Variants in TBC1D22A observed in about 807,000 individuals in gnomAD.
TBC1D22A encodes TBC1 domain family member 22A.
TBC1D22A carries 38 observed loss-of-function variants against 60.2 expected under a neutral mutation model. The ratio of observed to expected loss-of-function variants is 0.63; its 90% CI spans 0.49 to 0.83. The LOEUF (loss-of-function observed/expected upper bound fraction) is 0.83, where lower values mean the gene tolerates loss of function less well. Among genes scored for constraint, TBC1D22A ranks in the 40% least tolerant of loss-of-function variants. The probability of loss-of-function intolerance (pLI) is 0.00; values close to 1 mark genes in which losing one functional copy is unlikely to be tolerated. For synonymous variants in TBC1D22A, 302 were observed against 281.7 expected (o/e 1.07, Z -0.72); for missense variants, 628 against 701.0 (o/e 0.90, Z 1.18).
chr22:46,944,462 A>C (rs558741070), intron 8 of TBC1D22A, among the ~76,000 whole-genome samples: 1 of 152,130 alleles, frequency 6.6e-6, no homozygotes, highest in South Asian at 2.1e-4. Flanking sequence ...GCAGTGGCGC[A>C]ATCTTGGCTC....
chr22:47,027,717 T>C (rs1190940664), intron 10 of TBC1D22A, among the ~76,000 whole-genome samples: 2 of 152,182 alleles, frequency 1.3e-5, no homozygotes, highest in African/African-American at 4.8e-5. Flanking sequence ...CCCTCACACA[T>C]TAAAGAAAAT....
chr22:46,830,354 A>G (rs187469182), intron 4 of TBC1D22A, among the ~76,000 whole-genome samples: 260 of 152,354 alleles, frequency 1.7e-3, no homozygotes, highest in African/African-American at 5.7e-3. Flanking sequence ...CCTATTCTCA[A>G]TAAATGACAG....
At chr22:47,022,771 A>G (rs1261720153) in intron 10 of TBC1D22A, among the ~76,000 whole-genome samples, 1 of 152,216 alleles carries the variant, frequency 6.6e-6, no homozygotes, top group Non-Finnish European at 1.5e-5. Context: ...GGCATCAGGT[A>G]GGGGACTTAG....
chr22:47,151,771 T>C (rs1423766472), intron 12 of TBC1D22A, among the ~76,000 whole-genome samples: 2 of 152,300 alleles, frequency 1.3e-5, no homozygotes, highest in Non-Finnish European at 2.9e-5. Flanking sequence ...AGAAGACCCC[T>C]GGGGGAACGG....
chr22:46,904,142 T>TCTATCTATCTGCCTGCCTACCTACCTAC (rs57116517), intron 7 of TBC1D22A, among the ~76,000 whole-genome samples: 1 of 134,500 alleles, frequency 7.4e-6, no homozygotes, highest in African/African-American at 3.0e-5. Flanking sequence ...TATCTATCTA[T>TCTATCTATCTGCCTGCCTACCTACCTAC]CTACCTACCT....
In TBC1D22A at chr22:47,026,827, CATTCTACTCA is replaced by C. The variant is rs2062273227; in HGVS notation, c.1202-10240_1202-10231del. On this transcript the variant is annotated intron_variant, in intron 10 of 12. Coordinates refer to ENST00000337137, the MANE Select transcript of TBC1D22A (RefSeq NM_014346.5). ...GTCAGCTCTCACCAAACTGATCATA[CATTCTACTCA>C]ATTGCAATCAAGATCCCACATGCTT... Among the ~76,000 whole-genome samples, 4 of 152,318 alleles carry C rather than the reference CATTCTACTCA, an allele frequency of 2.6e-5. No homozygotes were observed. In the South Asian group the frequency reaches 8.3e-4, roughly 32 times the overall value.
intron 10 of TBC1D22A, among the ~76,000 whole-genome samples, chr22:47,014,703 G>T (rs2061854525): frequency 6.6e-6 from 1 of 151,664 alleles, no homozygotes; most frequent in African/African-American, 2.4e-5. Flanking sequence ...GTGAAACTTG[G>T]AGTCAGGATT....
At chr22:47,150,688 G>A (rs904632575) in intron 12 of TBC1D22A, among the ~76,000 whole-genome samples, 2 of 152,190 alleles carry the variant, frequency 1.3e-5, no homozygotes, top group Non-Finnish European at 2.9e-5. Context: ...CTGGTGGGCT[G>A]CAGCGCTAGC....
intron 8 of TBC1D22A, among the ~76,000 whole-genome samples, chr22:46,928,095 T>G (rs886742128): frequency 1.4e-5 from 2 of 147,468 alleles, no homozygotes; most frequent in East Asian, 4.0e-4. Flanking sequence ...ATTTGGGAAT[T>G]AAAAGAACCC....
intron 4 of TBC1D22A, among the ~76,000 whole-genome samples, chr22:46,876,489 C>T (rs1569161962): frequency 1.3e-5 from 2 of 152,208 alleles, no homozygotes; most frequent in South Asian, 4.1e-4. Context: ...AACTCTGTTT[C>T]CTGCCATTCT....
At chr22:46,778,123 C>T (rs1376306864) in intron 1 of TBC1D22A, among the ~76,000 whole-genome samples, 1 of 151,440 alleles carries the variant, frequency 6.6e-6, no homozygotes. Flanking sequence ...GTGCGATTGG[C>T]GCTCACGGGA....
At chr22:47,003,309 C>A (rs2148260713) in intron 10 of TBC1D22A, among the ~76,000 whole-genome samples, 1 of 152,102 alleles carries the variant, frequency 6.6e-6, no homozygotes, top group South Asian at 2.1e-4. Context: ...CTAGGTTACC[C>A]TTTGCTCCCC....
intron 8 of TBC1D22A, among the ~76,000 whole-genome samples, chr22:46,925,758 A>T (rs1006809958): frequency 2.0e-5 from 3 of 152,240 alleles, no homozygotes; most frequent in Non-Finnish European, 4.4e-5. Context: ...TAATGGCTAG[A>T]AAAATGAGAC....
At chr22:47,153,297 A>T (rs565959562) in intron 12 of TBC1D22A, among the ~76,000 whole-genome samples, 1 of 152,320 alleles carries the variant, frequency 6.6e-6, no homozygotes, top group East Asian at 1.9e-4. Flanking sequence ...TCTGACTTCA[A>T]GGGAGCCCGG....
intron 4 of TBC1D22A, among the ~76,000 whole-genome samples, chr22:46,859,028 CCGCGCAG>C (rs1569140034): frequency 4.0e-4 from 51 of 127,622 alleles, no homozygotes; most frequent in African/African-American, 1.1e-3. Flanking sequence ...CGATAGAGGT[CCGCGCAG>C]TGCTGTGCCC....
At chr22:46,918,481 G>A (rs1159311621) in intron 8 of TBC1D22A, among the ~76,000 whole-genome samples, 1 of 152,206 alleles carries the variant, frequency 6.6e-6, no homozygotes, top group Non-Finnish European at 1.5e-5. Flanking sequence ...CCAGACCAGT[G>A]TGTGCCCCGG....
intron 11 of TBC1D22A, among the ~76,000 whole-genome samples, chr22:47,084,575 G>A (rs1039064002): frequency 2.0e-5 from 3 of 152,152 alleles, no homozygotes; most frequent in African/African-American, 2.4e-5. Context: ...ATGTGCACGC[G>A]GATTCCTGCA....
At chr22:47,010,276 C>A (rs536697901) in intron 10 of TBC1D22A, among the ~76,000 whole-genome samples, 1 of 152,134 alleles carries the variant, frequency 6.6e-6, no homozygotes, top group African/African-American at 2.4e-5. Context: ...AGTAAGCAGC[C>A]GAGAAGCAGA....
At chr22:46,852,809 C>T (rs2087352845) in intron 4 of TBC1D22A, among the ~76,000 whole-genome samples, 1 of 152,222 alleles carries the variant, frequency 6.6e-6, no homozygotes, top group Non-Finnish European at 1.5e-5. Context: ...GCGAGCTCCT[C>T]TAGGGAGAGC....
Sources: gnomAD v4.1 joint callset for allele counts (sites outside exome capture counted in the v4.1 genomes callset) on GRCh38, gnomAD v4.1.1 for gene constraint, MANE v1.5 for transcripts, NCBI Gene and HGNC (gene_info 2026-07-23, HGNC 2026-07-21) for gene names.